The following ITPK1 variants were observed in gnomAD, a reference collection of about 807,000 sequenced individuals.
ITPK1 encodes inositol 1,3,4-trisphosphate 5/6-kinase.
Under a neutral mutation model 45.3 loss-of-function variants are expected in ITPK1, and 21 were observed. The ratio of observed to expected loss-of-function variants is 0.46; its 90% CI spans 0.33 to 0.67. The LOEUF (loss-of-function observed/expected upper bound fraction) is 0.67. Among genes scored for constraint, ITPK1 ranks in the 30% least tolerant of loss-of-function variants. The pLI is 0.02. For missense variants in ITPK1, 474 were observed against 573.5 expected, an observed-to-expected ratio of 0.83 and a Z score of 1.77; for synonymous variants, 258 against 253.6, an observed-to-expected ratio of 1.02 and a Z score of -0.16.
chr14:93,021,281 C>T (rs965685241), intron 3 of ITPK1, among the ~76,000 whole-genome samples: 8 of 152,000 alleles, frequency 5.3e-5, no homozygotes, highest in African/African-American at 1.5e-4. Context: ...ATCTGGGAAC[C>T]TCATGGACAG....
In ITPK1 at chr14:92,940,946, C is replaced by T; in HGVS notation, c.*615G>A. 1 of 1,287,324 alleles carries T rather than the reference C, an allele frequency of 7.8e-7. No homozygotes were observed. The highest frequency in any genetic ancestry group is 1.0e-6 in the Non-Finnish European group (1 of 988,628). The allele number at this position is 1,287,324 out of a possible 1,614,324, so 79.7% of individuals were successfully genotyped here. On this transcript the variant is annotated 3_prime_UTR_variant, in exon 11 of 11. Coordinates refer to ENST00000267615, the MANE Select transcript of ITPK1 (RefSeq NM_014216.6). Reference sequence around the variant, plus strand: ...TTTCCTTCCCTTTAGTGAGGGAGCACAGCCCAGACCCCAGCGCGGAACTCC... The same window carrying T: ...TTTCCTTCCCTTTAGTGAGGGAGCATAGCCCAGACCCCAGCGCGGAACTCC...
rs571984926 is a variant in ITPK1, at chr14:93,076,660, G to A, written c.96-41C>T. 6.2e-7 allele frequency: 1 copy of A among 1,613,932 alleles called. No individual in the cohort carries two copies. The highest frequency in any genetic ancestry group is 1.1e-5 in the South Asian group (1 of 91,084). On this transcript the variant is annotated intron_variant, in intron 2 of 10. Coordinates refer to ENST00000267615, the MANE Select transcript of ITPK1 (RefSeq NM_014216.6). The surrounding 1 kb of genome is among the most constrained non-coding windows in gnomAD (Gnocchi z 4.3). ...AAGAAAACAAGCGTTACTCCAGCAG[G>A]CTGGACACGTCCTTTCCGAAGGTTC...
intron 5 of ITPK1, among the ~76,000 whole-genome samples, chr14:92,984,707 C>T (rs1295399892): frequency 6.6e-6 from 1 of 152,188 alleles, no homozygotes. Flanking sequence ...ATTATGCTGA[C>T]ACTCCACAAG....
At chr14:92,994,192 A>G (rs1322196476) in intron 4 of ITPK1, among the ~76,000 whole-genome samples, 195 bp from the exon 5 acceptor site, 1 of 152,206 alleles carries the variant, frequency 6.6e-6, no homozygotes, top group Non-Finnish European at 1.5e-5. Flanking sequence ...ACTAGGCCAA[A>G]CTCAGAAATA....
At chr14:92,981,842 G>A (rs888021938) in intron 5 of ITPK1, among the ~76,000 whole-genome samples, 5 of 152,370 alleles carry the variant, frequency 3.3e-5, no homozygotes, top group African/African-American at 4.8e-5. Context: ...CCCACGCAGG[G>A]AAGGGAGTGT....
At chr14:93,000,575 C>G (rs1282486420) in intron 4 of ITPK1, among the ~76,000 whole-genome samples, 1 of 152,204 alleles carries the variant, frequency 6.6e-6, no homozygotes, top group East Asian at 1.9e-4. Flanking sequence ...TGTCAAACGC[C>G]AGGCCACTGC....
chr14:93,018,531 T>C (rs1479788604), intron 3 of ITPK1, among the ~76,000 whole-genome samples: 1 of 151,574 alleles, frequency 6.6e-6, no homozygotes. Flanking sequence ...TTCCCCTATA[T>C]AGAAAAAAAA....
intron 2 of ITPK1, among the ~76,000 whole-genome samples, chr14:93,107,731 G>A (rs1300186137): frequency 6.6e-6 from 1 of 152,150 alleles, no homozygotes; most frequent in East Asian, 1.9e-4. Context: ...TCTCTGACAC[G>A]AATCTCAGAT....
chr14:92,952,820 C>T (rs927859278), intron 8 of ITPK1, among the ~76,000 whole-genome samples: 3 of 152,330 alleles, frequency 2.0e-5, no homozygotes, highest in African/African-American at 4.8e-5. Context: ...AATGTCAGGT[C>T]GGTTGGTCAG....
At chr14:92,984,882 A>C (rs1250942517) in intron 5 of ITPK1, among the ~76,000 whole-genome samples, 1 of 152,254 alleles carries the variant, frequency 6.6e-6, no homozygotes, top group Non-Finnish European at 1.5e-5. Flanking sequence ...CTACAAGAGA[A>C]GGGCAAACAT....
intron 2 of ITPK1, among the ~76,000 whole-genome samples, chr14:93,086,343 G>A (rs1891650055): frequency 6.6e-6 from 1 of 152,232 alleles, no homozygotes; most frequent in African/African-American, 2.4e-5. Context: ...AAATTCTGCT[G>A]CCAACACTCC....
chr14:93,059,446 A>AT (rs1890406265), intron 3 of ITPK1, among the ~76,000 whole-genome samples: 1 of 15,602 alleles, frequency 6.4e-5, no homozygotes, highest in Non-Finnish European at 1.2e-4. Context: ...CGAGGCAGGG[A>AT]CGGAGGGAGT....
chr14:92,991,033 G>C (rs1021375495), intron 5 of ITPK1, among the ~76,000 whole-genome samples: 2 of 152,150 alleles, frequency 1.3e-5, no homozygotes, highest in Non-Finnish European at 2.9e-5. Context: ...ACCGGGGCAG[G>C]GGGGGTGACA....
chr14:92,978,521 C>A (rs1886062502), intron 5 of ITPK1, among the ~76,000 whole-genome samples: 1 of 151,950 alleles, frequency 6.6e-6, no homozygotes, highest in Non-Finnish European at 1.5e-5. Context: ...ACAGCAGTCC[C>A]TCCCATCACA....
intron 4 of ITPK1, among the ~76,000 whole-genome samples, chr14:92,997,149 G>A (rs1214262902): frequency 2.0e-5 from 3 of 152,218 alleles, no homozygotes; most frequent in East Asian, 3.9e-4. Context: ...AGCCGAGCAC[G>A]TGGATGGGAT....
chr14:93,053,530 G>A (rs56126546), intron 3 of ITPK1, among the ~76,000 whole-genome samples: 1 of 152,350 alleles, frequency 6.6e-6, no homozygotes, highest in Non-Finnish European at 1.5e-5. Flanking sequence ...TTTCACGGTA[G>A]TGAAGCTGCT....
At chr14:92,966,804 C>T (rs976908963) in intron 5 of ITPK1, among the ~76,000 whole-genome samples, 1 of 152,238 alleles carries the variant, frequency 6.6e-6, no homozygotes, top group Non-Finnish European at 1.5e-5. Context: ...CTATGCTCAA[C>T]TGATTTTCTA....
In ITPK1 at chr14:93,034,782, C is replaced by T. The variant is rs190153044; in HGVS notation, c.121-17981G>A. 1.3e-5 allele frequency among the ~76,000 whole-genome samples: 2 copies of T among 152,372 alleles called. No homozygotes were observed. Among genetic ancestry groups the T allele is most frequent in the East Asian group, 3.9e-4 (2 of 5,184 alleles). On this transcript the variant is annotated intron_variant, in intron 3 of 10. Transcript: ENST00000267615. This position sits in a 1 kb window ranked among gnomAD's most constrained non-coding sequence, Gnocchi z 4.1. ...AGAAGGCTGGCATGGCCCCAGCACA[C>T]ACGGGCAGTGGGCAGTGGGCAGTGC...
In ITPK1 at chr14:92,996,979, G is replaced by A. The variant is rs149070851; in HGVS notation, c.247-2982C>T. On this transcript the variant is annotated intron_variant, in intron 4 of 10. Transcript: ENST00000267615. The stretch of plus-strand genomic sequence containing the variant: ...AAAGATGGCCTCTGGTTCCAAGGGT[G>A]TAAACAGACTGAGAAAATGGAGAGT... Among the ~76,000 whole-genome samples the A allele has an allele frequency of 8.7e-4, 133 of 152,352 alleles. 1 individual carries two copies. The highest frequency in any genetic ancestry group is 2.9e-3 in the African/African-American group (122 of 41,588).
Sources: allele counts gnomAD v4.1 joint callset (sites outside exome capture counted in the v4.1 genomes callset), GRCh38; gene constraint gnomAD v4.1.1; non-coding constraint Gnocchi (gnomAD v3.1); transcripts MANE v1.5; gene names NCBI Gene and HGNC (gene_info 2026-07-23, HGNC 2026-07-21).